Variants in TRPM7 observed in about 807,000 individuals in gnomAD.
TRPM7 encodes transient receptor potential cation channel subfamily M member 7.
TRPM7 carries 134 observed loss-of-function variants against 229.7 expected under a neutral mutation model. The ratio of observed to expected loss-of-function variants is 0.58; its 90% confidence interval spans 0.51 to 0.67. TRPM7 has a LOEUF of 0.67. TRPM7 is among the 30% of genes least tolerant of loss of function. TRPM7 has a pLI of 0.00. For missense variants in TRPM7, 1,901 were observed against 2,210.0 expected (o/e 0.86, Z 2.80); for synonymous variants, 699 against 715.2 (o/e 0.98, Z 0.36).
intron 13 of TRPM7, among the ~76,000 whole-genome samples, chr15:50,618,634 A>T (rs1214882443): frequency 2.0e-5 from 3 of 152,052 alleles, no homozygotes; most frequent in Non-Finnish European, 2.9e-5. Flanking sequence ...AAAATGATTT[A>T]TATATATTTA....
intron 1 of TRPM7, among the ~76,000 whole-genome samples, chr15:50,680,406 A>G (rs1213441048): frequency 3.3e-5 from 5 of 151,880 alleles, no homozygotes; most frequent in Non-Finnish European, 5.9e-5. Flanking sequence ...AAAAATAAAA[A>G]TAAAAACACA....
chr15:50,571,342 A>G (rs1383318868), intron 36 of TRPM7, among the ~76,000 whole-genome samples: 2 of 152,222 alleles, frequency 1.3e-5, no homozygotes, highest in Non-Finnish European at 2.9e-5. Context: ...AAATTGTACT[A>G]ATCTCTTTTC....
intron 38 of TRPM7, among the ~76,000 whole-genome samples, chr15:50,564,254 A>AAAAT (rs1566928037): frequency 2.9e-5 from 1 of 34,438 alleles, no homozygotes; most frequent in Admixed American, 4.5e-4. Context: ...CTCAAAAAAT[A>AAAAT]AAATAAAATA....
intron 38 of TRPM7, among the ~76,000 whole-genome samples, chr15:50,566,176 A>C (rs938805772): frequency 1.3e-5 from 2 of 152,170 alleles, no homozygotes; most frequent in African/African-American, 4.8e-5. Flanking sequence ...AGTACAAAGT[A>C]TGTTTCTTTT....
At chr15:50,569,321 T>C (rs959958555) in intron 38 of TRPM7, among the ~76,000 whole-genome samples, 3 of 152,210 alleles carry the variant, frequency 2.0e-5, no homozygotes, top group Non-Finnish European at 2.9e-5. Flanking sequence ...ACAAAGATGA[T>C]GTTAATATCA....
At chr15:50,635,698 G>A (rs867033146) in intron 7 of TRPM7, among the ~76,000 whole-genome samples, 1 of 138,920 alleles carries the variant, frequency 7.2e-6, no homozygotes, top group Non-Finnish European at 1.5e-5. Context: ...AAAAGAGGAC[G>A]GCTGGGTATG....
chr15:50,678,541 T>TAC lies in TRPM7; in HGVS notation c.3+7988_3+7989dup, dbSNP rs1192286038. ...AAATATATATATATATATATATATA[T>TAC]ACACACACACACACATATACATAAT... is the stretch of plus-strand genomic sequence containing the variant. On this transcript the variant is annotated intron_variant, in intron 1 of 38. Transcript: ENST00000646667. 5.0e-3 allele frequency among the ~76,000 whole-genome samples: 681 copies of TAC among 136,516 alleles called. 3 individuals are homozygous for TAC. The highest frequency in any genetic ancestry group is 0.017 in the Admixed American group (238 of 13,730). The allele number at this position is 136,516 out of a possible 152,430, so 89.6% of individuals were successfully genotyped here.
intron 13 of TRPM7, among the ~76,000 whole-genome samples, chr15:50,617,427 CAGG>C (rs1232150306): frequency 6.6e-6 from 1 of 151,528 alleles, no homozygotes; most frequent in Non-Finnish European, 1.5e-5. Flanking sequence ...CACTTCAACC[CAGG>C]AGGCAGAGGT....
At chr15:50,645,390 C>T (rs1353786608) in intron 4 of TRPM7, among the ~76,000 whole-genome samples, 1 of 151,370 alleles carries the variant, frequency 6.6e-6, no homozygotes, top group East Asian at 2.0e-4. Flanking sequence ...GACAAAGTCC[C>T]GCTCTGTCGC....
intron 3 of TRPM7, among the ~76,000 whole-genome samples, chr15:50,653,306 T>C (rs2061474815): frequency 1.3e-5 from 2 of 152,160 alleles, no homozygotes; most frequent in South Asian, 4.1e-4. Flanking sequence ...AAAACAAGCA[T>C]TGGACAAAAC....
At chr15:50,620,861 G>A (rs2060376580) in intron 12 of TRPM7, among the ~76,000 whole-genome samples, 1 of 152,106 alleles carries the variant, frequency 6.6e-6, no homozygotes, top group Non-Finnish European at 1.5e-5. Context: ...GAACCCGGGA[G>A]GCGGAGGTTG....
intron 15 of TRPM7, 95 bp from the exon 16 acceptor site, chr15:50,612,924 A>T: frequency 9.0e-7 from 1 of 1,111,980 alleles, no homozygotes; most frequent in East Asian, 2.4e-5. Flanking sequence ...TACATTATTC[A>T]GCTCCATAAA....
intron 1 of TRPM7, among the ~76,000 whole-genome samples, chr15:50,682,152 C>CA (rs1239008283): frequency 1.4e-5 from 1 of 71,778 alleles, no homozygotes; most frequent in Non-Finnish European, 2.6e-5. Context: ...CAAGCCTGGG[C>CA]AAAAGAGCAA....
At chr15:50,572,976 T>G (rs1352197096) in intron 36 of TRPM7, among the ~76,000 whole-genome samples, 1 of 152,220 alleles carries the variant, frequency 6.6e-6, no homozygotes, top group Non-Finnish European at 1.5e-5. Flanking sequence ...GGCAACTTGC[T>G]CAATTTAACT....
intron 5 of TRPM7, among the ~76,000 whole-genome samples, chr15:50,642,788 T>C (rs1465620654): frequency 6.6e-6 from 1 of 152,106 alleles, no homozygotes; most frequent in East Asian, 1.9e-4. Context: ...TTCCAGTAAA[T>C]CTTTATTCAA....
At chr15:50,603,949 C>G (rs572958172) in intron 21 of TRPM7, 3 of 152,092 alleles carry the variant, frequency 2.0e-5, no homozygotes, top group Admixed American at 1.3e-4. Context: ...GAAGGATGTA[C>G]GTTAAACTGT....
intron 5 of TRPM7, among the ~76,000 whole-genome samples, chr15:50,640,340 T>C (rs948729690): frequency 1.3e-5 from 2 of 152,012 alleles, no homozygotes; most frequent in African/African-American, 4.8e-5. Flanking sequence ...GGTGTGATCA[T>C]GGCTTAGCTC....
chr15:50,671,022 C>A (rs958770983), intron 1 of TRPM7, among the ~76,000 whole-genome samples: 1 of 152,076 alleles, frequency 6.6e-6, no homozygotes, highest in Non-Finnish European at 1.5e-5. Context: ...CTAAATCGAG[C>A]TAATTATCAT....
Position 50,624,291 on chromosome 15 carries a change from A to G in TRPM7, c.1315T>C (p.Leu439=). The stretch of plus-strand genomic sequence containing the variant: ...AGAGCATCAAGCATAGCTTGTTCCA[A>G]GGATCCAACCTAGGAGTATCAAATT... ...VYGQQWLVGS[L]EQAMLDALVM... Residue 439 remains leucine, a synonymous_variant, in exon 12 of 39, where the codon TTG becomes CTG. Transcript: ENST00000646667. 6.2e-7 allele frequency: 1 copy of G among 1,604,366 alleles called. No homozygotes were observed. The highest frequency in any genetic ancestry group is 8.5e-7 in the Non-Finnish European group (1 of 1,176,738).
Sources: gnomAD v4.1 joint callset for allele counts (sites outside exome capture counted in the v4.1 genomes callset) on GRCh38, gnomAD v4.1.1 for gene constraint, MANE v1.5 for transcripts, NCBI Gene and HGNC (gene_info 2026-07-23, HGNC 2026-07-21) for gene names.